FAM193B: variants seen among roughly 807,000 people sequenced by gnomAD.
FAM193B encodes family with sequence similarity 193 member B.
In FAM193B, 27 loss-of-function variants were observed where a neutral mutation model predicts 70.7. The observed-to-expected ratio is 0.38, with a 90% CI of 0.28 to 0.53. FAM193B has a LOEUF of 0.53. Among genes scored for constraint, FAM193B ranks in the 20% least tolerant of loss-of-function variants. The probability of loss-of-function intolerance (pLI) is 0.81; values close to 1 mark genes in which losing one functional copy is unlikely to be tolerated. For missense variants in FAM193B, 1,022 were observed against 1,072.5 expected (o/e 0.95, Z 0.66); for synonymous variants, 448 against 436.0 (o/e 1.03, Z -0.34).
chr5:177,527,710 G>C (rs1299254055), intron 5 of FAM193B, among the ~76,000 whole-genome samples: 1 of 152,248 alleles, frequency 6.6e-6, no homozygotes, highest in Non-Finnish European at 1.5e-5. Flanking sequence ...AAGTGTGGCA[G>C]AGCCAAGTGT....
chr5:177,532,241 A>G lies in FAM193B; in HGVS notation c.1275+202T>C. 6.7e-7 allele frequency: 1 copy of G among 1,493,294 alleles called. No individual in the cohort carries two copies. 92.5% of individuals were successfully genotyped at this position (1,493,294 alleles called of 1,614,324 possible). On this transcript the variant is annotated intron_variant, in intron 5 of 8. Coordinates refer to ENST00000514747, the MANE Select transcript of FAM193B (RefSeq NM_001190946.3). This position sits in a 1 kb window ranked among gnomAD's most constrained non-coding sequence, Gnocchi z 4.9. Reference sequence around the variant, plus strand: ...CAATCTTAAGAGAAACCATGAGAAGAGCAAAGGTAGCAAAATGTTTAAAAA... The same window carrying G: ...CAATCTTAAGAGAAACCATGAGAAGGGCAAAGGTAGCAAAATGTTTAAAAA...
Position 177,538,004 on chromosome 5 carries a change from C to T in FAM193B, c.557G>A (p.Cys186Tyr). ...ATCCCAGTCTCCCGAGTTCCCAGGG[C>T]AGGAAGAGGAGGACGAGGATGAGGA... The part of the protein sequence containing the change: ...SSSSSSSSSS[C>Y]PGNSGDWDPS... Residue 186 changes from cysteine (C) to tyrosine (Y), a missense_variant, in exon 3 of 9, where the codon TGC (cysteine) becomes TAC (tyrosine). Cys to Tyr is a radical substitution (Grantham distance 194). Coordinates refer to ENST00000514747, the MANE Select transcript of FAM193B (RefSeq NM_001190946.3). The surrounding 1 kb of genome is among the most constrained non-coding windows in gnomAD (Gnocchi z 4.1). The T allele has an allele frequency of 6.4e-7, 1 of 1,557,912 alleles. No individual in the cohort carries two copies. Among genetic ancestry groups the T allele is most frequent in the Non-Finnish European group, 8.7e-7 (1 of 1,150,536 alleles).
chr5:177,540,238 C>T (rs569726004), intron 1 of FAM193B, among the ~76,000 whole-genome samples: 2 of 145,588 alleles, frequency 1.4e-5, no homozygotes, highest in East Asian at 2.1e-4. Flanking sequence ...ACCTGGGAGG[C>T]GGAGCTTGCA....
chr5:177,549,045 A>G (rs1765828060), intron 1 of FAM193B, among the ~76,000 whole-genome samples: 1 of 152,100 alleles, frequency 6.6e-6, no homozygotes, highest in Non-Finnish European at 1.5e-5. Flanking sequence ...TCTGAGAAGC[A>G]TTCTCTGACC....
At chr5:177,552,557 TG>T (rs563106696) in intron 1 of FAM193B, among the ~76,000 whole-genome samples, 1 of 152,246 alleles carries the variant, frequency 6.6e-6, no homozygotes, top group Non-Finnish European at 1.5e-5. Flanking sequence ...GTCTGCTGAA[TG>T]GGAAGAAGAG....
At position 177,543,668 on chromosome 5, in the gene FAM193B, G is replaced by A. The variant is rs564358937; in HGVS notation, c.211-4521C>T. Among the ~76,000 whole-genome samples the A allele has an allele frequency of 2.6e-5, 4 of 152,354 alleles. No homozygotes were observed. In the East Asian group the frequency reaches 7.7e-4, roughly 29 times the overall value. ...AAGCCCTAGAGATGTTATATTTATA[G>A]TCAGTAATGCCACTGGTTCCTTCAA... On this transcript the variant is annotated intron_variant, in intron 1 of 8. Transcript: ENST00000514747.
At position 177,524,919 on chromosome 5, in the gene FAM193B, C is replaced by T. The variant is rs764713531; in HGVS notation, c.1562G>A (p.Ser521Asn). 8.6e-6 allele frequency: 13 copies of T among 1,507,752 alleles called. No individual in the cohort carries two copies. The South Asian group carries it at 1.6e-4, about 19-fold the overall frequency. 93.4% of individuals were successfully genotyped at this position (1,507,752 alleles called of 1,614,324 possible). A position where few individuals can be genotyped will look rare whatever the true frequency, so the allele number is the denominator to read the frequency against. ...GTCAGGCTGCTGCTCTGAGGAGCCA[C>T]TGAGGTTTGAGGGGGGTAGACTCTG... The part of the protein sequence containing the change: ...EPQSLPPSNL[S>N]GSSEQQPDIN... Residue 521 changes from serine (S) to asparagine (N), a missense_variant, in exon 6 of 9, where the codon AGT (serine) becomes AAT (asparagine). By Grantham distance (46) the Ser-to-Asn change is conservative. Transcript: ENST00000514747.
At chr5:177,545,658 C>CAAAAA (rs35116415) in intron 1 of FAM193B, among the ~76,000 whole-genome samples, 1 of 119,062 alleles carries the variant, frequency 8.4e-6, no homozygotes, top group African/African-American at 3.1e-5. Context: ...GAGCCTGTCT[C>CAAAAA]AAAAAAAAAA....
At chr5:177,537,788 T>C in intron 3 of FAM193B, 85 bp downstream of exon 3, 3 of 1,473,644 alleles carry the variant, frequency 2.0e-6, no homozygotes, top group South Asian at 1.5e-5. Flanking sequence ...TAACCAGTCT[T>C]ATGATTTGTT....
chr5:177,533,681 G>A (rs985296788), intron 4 of FAM193B, among the ~76,000 whole-genome samples: 2 of 152,224 alleles, frequency 1.3e-5, no homozygotes, highest in Non-Finnish European at 2.9e-5. Flanking sequence ...GTGGTAGAGA[G>A]TGAAGCTGAG....
intron 1 of FAM193B, among the ~76,000 whole-genome samples, chr5:177,549,408 T>C (rs2127491612): frequency 6.6e-6 from 1 of 152,234 alleles, no homozygotes; most frequent in South Asian, 2.1e-4. Flanking sequence ...TTAGCCAGGA[T>C]GGTCTCGATC....
chr5:177,533,511 T>C (rs1735891504), intron 4 of FAM193B, among the ~76,000 whole-genome samples: 1 of 152,146 alleles, frequency 6.6e-6, no homozygotes, highest in Admixed American at 6.5e-5. Context: ...TTCACCATGT[T>C]AGCCAGGATG....
In FAM193B at chr5:177,538,258, A is replaced by C. The variant is rs1164156550; in HGVS notation, c.454-151T>G. On this transcript the variant is annotated intron_variant, in intron 2 of 8. Transcript: ENST00000514747. This position sits in a 1 kb window ranked among gnomAD's most constrained non-coding sequence, Gnocchi z 4.1. ...TTAATACAACTCCAGCTATAAGAAC[A>C]AATGAGGGCCAGGCCTTTGCTGGGA... Among the ~76,000 whole-genome samples the C allele has an allele frequency of 2.0e-5, 3 of 152,234 alleles. No homozygotes were observed. Among genetic ancestry groups the C allele is most frequent in the African/African-American group, 7.2e-5 (3 of 41,458 alleles).
intron 5 of FAM193B, among the ~76,000 whole-genome samples, chr5:177,528,394 G>T (rs1762948904): frequency 6.6e-6 from 1 of 152,168 alleles, no homozygotes; most frequent in African/African-American, 2.4e-5. Context: ...AGAGGCTGGG[G>T]AGGGGTTGAG....
intron 5 of FAM193B, among the ~76,000 whole-genome samples, chr5:177,527,805 A>C (rs1349850869): frequency 1.3e-5 from 2 of 152,216 alleles, no homozygotes; most frequent in African/African-American, 2.4e-5. Flanking sequence ...CGGCTCAGGC[A>C]ACAGGGTGGG....
rs377320546 is a variant in FAM193B at position 177,532,528 on chromosome 5, C to T, written c.1190G>A (p.Arg397Gln). The change falls in exon 5 of 9, where the codon CGA (arginine) becomes CAA (glutamine). Residue 397 changes from arginine to glutamine, a missense_variant. Arg to Gln is a conservative substitution (Grantham distance 43, BLOSUM62 1). Coordinates refer to ENST00000514747, the MANE Select transcript of FAM193B (RefSeq NM_001190946.3). The surrounding 1 kb of genome is among the most constrained non-coding windows in gnomAD (Gnocchi z 4.9). Reference protein sequence around the residue: ...LGEEEDSSSERSSCTSSSTHQ... With the variant: ...LGEEEDSSSEQSSCTSSSTHQ... ...GGTGGAGGATGAGGTGCAGGAGCTT[C>T]GCTCAGAGCTGCTATCCTCTTCCTC... The T allele has an allele frequency of 1.1e-4, 185 of 1,609,222 alleles. No individual in the cohort carries two copies. In the African/African-American group the frequency reaches 1.4e-3, roughly 12 times the overall value.
chr5:177,553,091 A>C, intron 1 of FAM193B: 1 of 806,330 alleles, frequency 1.2e-6, no homozygotes, highest in Non-Finnish European at 1.5e-6. Flanking sequence ...CTGTGGGCAC[A>C]GAGAGGGCAC....
intron 4 of FAM193B, among the ~76,000 whole-genome samples, chr5:177,536,148 A>G (rs559203288): frequency 3.9e-5 from 6 of 152,132 alleles, no homozygotes; most frequent in Non-Finnish European, 7.4e-5. Context: ...CCTAGGCTCA[A>G]GTGATCTTCC....
chr5:177,525,097 G>C lies in FAM193B; in HGVS notation c.1384C>G (p.Arg462Gly). 6.3e-7 allele frequency: 1 copy of C among 1,589,296 alleles called. No individual in the cohort carries two copies. The highest frequency in any genetic ancestry group is 8.6e-7 in the Non-Finnish European group (1 of 1,169,150). ...AAGCTGTTGACCCGATCCAGTTCCC[G>C]GTCGGGCCACTCCAAGAGCCTCTCC... Reference protein sequence around the residue: ...ARERLLEWPDRELDRVNSFLS... With the variant: ...ARERLLEWPDGELDRVNSFLS... Residue 462 changes from arginine (R) to glycine (G), a missense_variant, in exon 6 of 9, where the codon CGG becomes GGG. Physicochemically the swap from Arg to Gly is moderately radical, Grantham distance 125 (BLOSUM62 -2). Coordinates refer to ENST00000514747, the MANE Select transcript of FAM193B (RefSeq NM_001190946.3).
Sources: gnomAD v4.1 joint callset for allele counts (sites outside exome capture counted in the v4.1 genomes callset) on GRCh38, gnomAD v4.1.1 for gene constraint, Gnocchi (gnomAD v3.1) non-coding constraint, MANE v1.5 for transcripts, NCBI Gene and HGNC (gene_info 2026-07-23, HGNC 2026-07-21) for gene names.